The following SGCD variants were observed in gnomAD, a reference collection of about 807,000 sequenced individuals.
The protein encoded by SGCD is sarcoglycan delta.
SGCD carries 18 observed loss-of-function variants against 36.6 expected under a neutral mutation model. The ratio of observed to expected loss-of-function variants is 0.49; its 90% CI spans 0.34 to 0.73. The LOEUF (loss-of-function observed/expected upper bound fraction) is 0.73. Ranked by LOEUF, SGCD falls within the 30% of genes least tolerant of loss-of-function variation. The pLI, the probability that SGCD is intolerant of heterozygous loss-of-function variation, is 0.01. For missense variants in SGCD, 387 were observed against 346.7 expected, an observed-to-expected ratio of 1.12 and a Z score of -0.92; for synonymous variants, 133 against 130.6, an observed-to-expected ratio of 1.02 and a Z score of -0.12.
intron 1 of SGCD, among the ~76,000 whole-genome samples, chr5:155,900,947 A>T (rs1756375259): frequency 6.6e-6 from 1 of 152,146 alleles, no homozygotes; most frequent in Non-Finnish European, 1.5e-5. Flanking sequence ...TTAAGGAAGT[A>T]TTTAAAGGTA....
At chr5:156,524,953 C>T (rs2113065375) in intron 4 of SGCD, among the ~76,000 whole-genome samples, 1 of 151,994 alleles carries the variant, frequency 6.6e-6, no homozygotes, top group Non-Finnish European at 1.5e-5. Flanking sequence ...GTATATATAC[C>T]ATATTTTCTT....
chr5:156,138,170 G>A (rs1251694535), intron 3 of SGCD, among the ~76,000 whole-genome samples: 2 of 152,150 alleles, frequency 1.3e-5, no homozygotes, highest in East Asian at 1.9e-4. Context: ...GGAGGCCGAG[G>A]TGGGCAGATC....
chr5:156,170,279 G>T (rs549223253), intron 3 of SGCD, among the ~76,000 whole-genome samples: 14 of 152,250 alleles, frequency 9.2e-5, no homozygotes, highest in African/African-American at 3.4e-4. Flanking sequence ...TTGTAACCAA[G>T]AATTTTTACC....
intron 1 of SGCD, among the ~76,000 whole-genome samples, chr5:156,046,611 G>A (rs1246856491): frequency 2.6e-5 from 4 of 152,002 alleles, no homozygotes; most frequent in Non-Finnish European, 4.4e-5. Context: ...TATTGTAATT[G>A]ATTTGGGATG....
intron 3 of SGCD, among the ~76,000 whole-genome samples, chr5:156,426,542 G>T (rs1259427069): frequency 1.3e-5 from 2 of 151,944 alleles, no homozygotes; most frequent in Non-Finnish European, 2.9e-5. Context: ...TATTTCTTTT[G>T]CTGTGCAGAA....
At chr5:156,307,041 CTTT>C (rs71577193) in intron 3 of SGCD, among the ~76,000 whole-genome samples, 28 of 124,506 alleles carry the variant, frequency 2.2e-4, no homozygotes, top group East Asian at 2.5e-4. Context: ...TATAAGTTTT[CTTT>C]TTTTTTTTTT....
chr5:156,174,879 G>T (rs1417493859), intron 3 of SGCD, among the ~76,000 whole-genome samples: 1 of 152,186 alleles, frequency 6.6e-6, no homozygotes, highest in Non-Finnish European at 1.5e-5. Flanking sequence ...GAGAACGTAA[G>T]TTATACATTC....
At chr5:156,382,259 C>G (rs1180449721) in intron 3 of SGCD, among the ~76,000 whole-genome samples, 1 of 152,126 alleles carries the variant, frequency 6.6e-6, no homozygotes, top group Non-Finnish European at 1.5e-5. Context: ...ATGTCCTTCT[C>G]TGCCCTAAAC....
intron 3 of SGCD, among the ~76,000 whole-genome samples, chr5:156,211,088 A>C (rs1764428067): frequency 6.6e-6 from 1 of 152,174 alleles, no homozygotes; most frequent in Non-Finnish European, 1.5e-5. Flanking sequence ...ATGGAGTTTC[A>C]ATAAGTCTAA....
At chr5:156,100,002 T>C (rs2127596417) in intron 1 of SGCD, among the ~76,000 whole-genome samples, 1 of 152,298 alleles carries the variant, frequency 6.6e-6, no homozygotes, top group South Asian at 2.1e-4. Flanking sequence ...CATATATATG[T>C]CATAGGCTAT....
At chr5:156,608,564 T>G (rs1761603653) in intron 6 of SGCD, among the ~76,000 whole-genome samples, 1 of 152,210 alleles carries the variant, frequency 6.6e-6, no homozygotes, top group Admixed American at 6.5e-5. Flanking sequence ...TCAGGTCTGC[T>G]TGGTGCAGAG....
chr5:156,075,448 C>G (rs1428182458), intron 1 of SGCD, among the ~76,000 whole-genome samples: 4 of 152,048 alleles, frequency 2.6e-5, no homozygotes, highest in Non-Finnish European at 5.9e-5. Context: ...CTATAAGAGA[C>G]TTTAGGGATT....
chr5:156,378,922 C>G (rs1349255507), intron 3 of SGCD, among the ~76,000 whole-genome samples: 1 of 152,072 alleles, frequency 6.6e-6, no homozygotes, highest in African/African-American at 2.4e-5. Context: ...AAATCACCAT[C>G]CCAGATACTG....
the SGCD span, among the ~76,000 whole-genome samples, chr5:155,775,807 C>T: frequency 1.3e-5 from 2 of 152,062 alleles, no homozygotes; most frequent in Non-Finnish European, 2.9e-5. Context: ...AAGTCTGTTC[C>T]CTCAGGGAGC....
intron 4 of SGCD, among the ~76,000 whole-genome samples, chr5:156,533,505 G>A (rs1452403374): frequency 6.6e-6 from 1 of 152,130 alleles, no homozygotes; most frequent in Non-Finnish European, 1.5e-5. Context: ...ATGTGTAAGT[G>A]TTCTACTGGT....
intron 6 of SGCD, among the ~76,000 whole-genome samples, chr5:156,640,256 G>C (rs895013842): frequency 2.0e-5 from 3 of 151,424 alleles, no homozygotes; most frequent in Non-Finnish European, 4.4e-5. Flanking sequence ...ACTATGTGAA[G>C]TGTGCATTTA....
At chr5:156,130,791 A>G (rs1051591662) in intron 3 of SGCD, among the ~76,000 whole-genome samples, 1 of 151,584 alleles carries the variant, frequency 6.6e-6, no homozygotes, top group African/African-American at 2.4e-5. Context: ...CATTGGTGCA[A>G]TCTTGACTCA....
intron 4 of SGCD, among the ~76,000 whole-genome samples, chr5:156,577,973 A>G (rs1760054460): frequency 6.6e-6 from 1 of 152,140 alleles, no homozygotes; most frequent in African/African-American, 2.4e-5. Context: ...GTGGTGAGAG[A>G]GGGCATCCCT....
chr5:156,696,395 A>G (rs1475194576), intron 7 of SGCD, among the ~76,000 whole-genome samples: 3 of 152,212 alleles, frequency 2.0e-5, no homozygotes, highest in Non-Finnish European at 2.9e-5. Flanking sequence ...TGGCTATAGG[A>G]AAACTGTTCT....
Sources: gnomAD v4.1 joint callset for allele counts (sites outside exome capture counted in the v4.1 genomes callset) on GRCh38, gnomAD v4.1.1 for gene constraint, MANE v1.5 for transcripts, NCBI Gene and HGNC (gene_info 2026-07-23, HGNC 2026-07-21) for gene names.